The following TOGARAM2 variants were observed in gnomAD, a reference collection of about 807,000 sequenced individuals.
The protein encoded by TOGARAM2 is TOG array regulator of axonemal microtubules protein 2.
In TOGARAM2, 85 loss-of-function variants were observed where a neutral mutation model predicts 93.3. That is an observed-to-expected ratio of 0.91 (90% CI 0.76 to 1.09). The LOEUF (loss-of-function observed/expected upper bound fraction) is 1.09, where lower values mean the gene tolerates loss of function less well. Among genes scored for constraint, TOGARAM2 ranks in the 50% least tolerant of loss-of-function variants. TOGARAM2 has a pLI of 0.00. For synonymous variants in TOGARAM2, 593 were observed against 552.8 expected (o/e 1.07, Z -1.02); for missense variants, 1,277 against 1,334.5 (o/e 0.96, Z 0.67).
intron 15 of TOGARAM2, 64 bp downstream of exon 15, chr2:29,033,115 G>A (rs979954557): frequency 3.6e-6 from 5 of 1,393,340 alleles, no homozygotes; most frequent in Non-Finnish European, 5.0e-6. Flanking sequence ...GCTGAGCCTG[G>A]TAGCCTTCAT....
intron 10 of TOGARAM2, 99 bp from the exon 11 acceptor site, chr2:29,022,059 G>C (rs1664985923): frequency 6.6e-7 from 1 of 1,521,964 alleles, no homozygotes; most frequent in Non-Finnish European, 9.0e-7. Flanking sequence ...GCTCAGGGTG[G>C]TGGCACGGCC....
intron 1 of TOGARAM2, among the ~76,000 whole-genome samples, chr2:28,968,871 G>T (rs535379959): frequency 8.9e-6 from 1 of 112,180 alleles, no homozygotes; most frequent in African/African-American, 2.9e-5. Context: ...CATGCCGAAC[G>T]TGCTTCTGAG....
At chr2:29,031,106 A>G (rs1254901841) in intron 14 of TOGARAM2, among the ~76,000 whole-genome samples, 2 of 152,240 alleles carry the variant, frequency 1.3e-5, no homozygotes, top group Non-Finnish European at 2.9e-5. Context: ...AATGACAGGC[A>G]TTTCACAGTT....
At chr2:29,049,706 C>G (rs574629814) in intron 19 of TOGARAM2, 1 of 152,256 alleles carries the variant, frequency 6.6e-6, no homozygotes, top group Non-Finnish European at 1.5e-5. Context: ...CTTTGCTCCA[C>G]TTTAGAAAGC....
At chr2:29,008,603 T>C (rs1262595728) in intron 6 of TOGARAM2, among the ~76,000 whole-genome samples, 1 of 152,150 alleles carries the variant, frequency 6.6e-6, no homozygotes, top group African/African-American at 2.4e-5. Context: ...ATTACAGACA[T>C]GCACCACCAG....
Position 28,994,859 on chromosome 2 carries a change from G to A in TOGARAM2, c.25G>A (p.Glu9Lys), listed in dbSNP as rs377668877. ...CATGGGCACCCGTGACGATGTCCCC[G>A]AAGGTAAGGGGCACCATGGGAGGCC... MGTRDDVP[E>K]AKVLVPVAVY... Residue 9 changes from glutamate (E) to lysine (K), a missense_variant, in exon 2 of 20, where the codon GAA (glutamate) becomes AAA (lysine). Coordinates refer to ENST00000379558, the MANE Select transcript of TOGARAM2 (RefSeq NM_199280.4). The A allele has an allele frequency of 1.3e-5, 20 of 1,552,442 alleles. No homozygotes were observed. Among genetic ancestry groups the A allele is most frequent in the South Asian group, 9.5e-5 (8 of 84,098 alleles).
intron 1 of TOGARAM2, among the ~76,000 whole-genome samples, chr2:28,962,384 G>A (rs1208248644): frequency 2.0e-5 from 3 of 151,950 alleles, no homozygotes; most frequent in African/African-American, 4.8e-5. Flanking sequence ...GCATGTTGGC[G>A]AGGCTGGTCT....
chr2:28,995,826 G>T (rs1375557060), intron 2 of TOGARAM2, among the ~76,000 whole-genome samples: 1 of 152,230 alleles, frequency 6.6e-6, no homozygotes, highest in Non-Finnish European at 1.5e-5. Flanking sequence ...GGATGGACGA[G>T]CTGGGTTTCC....
intron 18 of TOGARAM2, among the ~76,000 whole-genome samples, chr2:29,043,913 T>A (rs892534500): frequency 5.3e-5 from 8 of 152,220 alleles, no homozygotes; most frequent in African/African-American, 1.9e-4. Flanking sequence ...AAGCAGCTTC[T>A]AAATTCAGTA....
intron 14 of TOGARAM2, among the ~76,000 whole-genome samples, chr2:29,032,492 C>G (rs971317445): frequency 2.0e-5 from 3 of 152,148 alleles, no homozygotes; most frequent in African/African-American, 7.2e-5. Context: ...CCCGCTTTAC[C>G]CTTTCTGGGA....
intron 1 of TOGARAM2, among the ~76,000 whole-genome samples, chr2:28,975,275 A>G (rs11674944): frequency 0.35 from 53,263 of 151,042 alleles, 11,224 homozygotes; most frequent in East Asian, 0.91. Flanking sequence ...TGCAAGCTCC[A>G]CCTCCCAGGT....
At chr2:29,006,063 GTGTA>G (rs971220742) in intron 6 of TOGARAM2, among the ~76,000 whole-genome samples, 2 of 143,670 alleles carry the variant, frequency 1.4e-5, no homozygotes, top group South Asian at 2.2e-4. Context: ...GTGTGTGTAT[GTGTA>G]TGTGTGAGAG....
intron 1 of TOGARAM2, among the ~76,000 whole-genome samples, chr2:28,985,950 A>G (rs11682639): frequency 0.33 from 50,574 of 151,828 alleles, 8,770 homozygotes; most frequent in East Asian, 0.62. Flanking sequence ...CTAATAATAC[A>G]CACAAAAAAA....
rs746835236 is a variant in TOGARAM2, at chr2:29,033,556, A to AATTG, written c.2219_2220insTTGA (p.Lys740AsnfsTer2). On this transcript the variant is annotated stop_gained and frameshift_variant, in exon 16 of 20. Coordinates refer to ENST00000379558, the MANE Select transcript of TOGARAM2 (RefSeq NM_199280.4). LOFTEE classifies it high-confidence loss of function. ...GGTGTGTGAGAACGGGCTGCCCATC[A>AATTG]AGGAGGGGTATGGCTGCTCCTGTAT... The AATTG allele has an allele frequency of 3.1e-6, 5 of 1,613,154 alleles. No individual in the cohort carries two copies. In the East Asian group the frequency reaches 8.9e-5, roughly 29 times the overall value.
intron 14 of TOGARAM2, among the ~76,000 whole-genome samples, chr2:29,029,065 T>C (rs971080599): frequency 6.6e-6 from 1 of 152,182 alleles, no homozygotes; most frequent in African/African-American, 2.4e-5. Context: ...CTTAAAGAAG[T>C]AAAGGTAGAA....
At chr2:28,986,842 T>A (rs1672491992) in intron 1 of TOGARAM2, among the ~76,000 whole-genome samples, 1 of 152,264 alleles carries the variant, frequency 6.6e-6, no homozygotes, top group Non-Finnish European at 1.5e-5. Flanking sequence ...AATCAGCCTA[T>A]TAAATGTTTC....
At chr2:29,036,991 C>A (rs1666153145) in intron 18 of TOGARAM2, among the ~76,000 whole-genome samples, 1 of 152,162 alleles carries the variant, frequency 6.6e-6, no homozygotes, top group African/African-American at 2.4e-5. Context: ...GGAGATGATC[C>A]AGTCCAGCCT....
At chr2:28,976,711 A>C (rs566725031), upstream of TOGARAM2, among the ~76,000 whole-genome samples, 2 of 152,302 alleles carry the variant, frequency 1.3e-5, no homozygotes, top group African/African-American at 4.8e-5. Flanking sequence ...CTGCGATAAG[A>C]GGGGCTTGGC....
At chr2:28,995,777 C>T (rs1379617731) in intron 2 of TOGARAM2, among the ~76,000 whole-genome samples, 1 of 152,232 alleles carries the variant, frequency 6.6e-6, no homozygotes, top group African/African-American at 2.4e-5. Context: ...AGTGGGAACC[C>T]AGGCTCCTGA....
Sources: allele counts gnomAD v4.1 joint callset (sites outside exome capture counted in the v4.1 genomes callset), GRCh38; gene constraint gnomAD v4.1.1; transcripts MANE v1.5; gene names NCBI Gene and HGNC (gene_info 2026-07-23, HGNC 2026-07-21).